EFTUD2: variants seen among roughly 807,000 people sequenced by gnomAD.
The protein encoded by EFTUD2 is 116 kDa U5 small nuclear ribonucleoprotein component.
EFTUD2 carries 9 observed loss-of-function variants against 114.3 expected under a neutral mutation model. That is an observed-to-expected ratio of 0.08 (90% CI 0.05 to 0.14). The LOEUF is 0.14. Ranked by LOEUF, EFTUD2 falls within the 10% of genes least tolerant of loss-of-function variation. The pLI is 1.00. For synonymous variants in EFTUD2, 449 were observed against 462.3 expected (o/e 0.97, Z 0.37); for missense variants, 765 against 1,241.2 (o/e 0.62, Z 5.76).
chr17:44,885,802 C>CT (rs375004615), intron 3 of EFTUD2, among the ~76,000 whole-genome samples: 9 of 152,078 alleles, frequency 5.9e-5, no homozygotes, highest in Non-Finnish European at 5.9e-5. Flanking sequence ...AATTTTTGTA[C>CT]TTTTTTTGTA....
intron 10 of EFTUD2, 89 bp from the exon 11 acceptor site, chr17:44,872,659 C>A: frequency 6.8e-7 from 1 of 1,460,188 alleles, no homozygotes. Context: ...GGTATCACAG[C>A]CACTCTCCAG....
At chr17:44,894,352 G>C (rs550408698) in intron 2 of EFTUD2, 65 bp downstream of exon 2, 7 of 1,357,866 alleles carry the variant, frequency 5.2e-6, no homozygotes, top group Admixed American at 3.4e-5. Context: ...CCTGGCAAGA[G>C]AGTGAGATCT....
In EFTUD2 at chr17:44,880,514, A is replaced by C. The variant is rs373238449; in HGVS notation, c.619+40T>G. ...AAGTGAGAGGACACACGCAAAACCA[A>C]GACAAGGTTCTAATAATCAAAAGCC... On this transcript the variant is annotated intron_variant, in intron 8 of 27. Transcript: ENST00000426333. 2.6e-6 allele frequency: 4 copies of C among 1,549,214 alleles called. No homozygotes were observed. In the African/African-American group the frequency reaches 5.4e-5, roughly 21 times the overall value.
Position 44,850,770 on chromosome 17 carries a change from C to T in EFTUD2, c.*504G>A, listed in dbSNP as rs1462570728. 1.3e-5 allele frequency: 3 copies of T among 223,828 alleles called. No individual in the cohort carries two copies. The highest frequency in any genetic ancestry group is 2.2e-5 in the African/African-American group (1 of 44,592). The allele number at this position is 223,828 out of a possible 1,614,324, so 13.9% of individuals were successfully genotyped here. ...TGGGAACACTGAATTAAAAGGCAGGCGGCTTCCCTGGGGACCCAGGCAGGA... is the reference window on the plus strand; with the variant it reads ...TGGGAACACTGAATTAAAAGGCAGGTGGCTTCCCTGGGGACCCAGGCAGGA... On this transcript the variant is annotated 3_prime_UTR_variant, in exon 28 of 28. Transcript: ENST00000426333.
Position 44,894,566 on chromosome 17 carries a change from A to G in EFTUD2, c.-4-41T>C, listed in dbSNP as rs1447827429. 2.0e-6 allele frequency: 3 copies of G among 1,499,802 alleles called. No individual in the cohort carries two copies. The Admixed American group carries it at 5.0e-5, about 25-fold the overall frequency. 92.9% of individuals were successfully genotyped at this position (1,499,802 alleles called of 1,614,324 possible). On this transcript the variant is annotated intron_variant, in intron 1 of 27. Transcript: ENST00000426333. ...AGAAGAGTTAGATTCTGACAAGGTA[A>G]TCAAGGCCTTCATGTGGTGGCTCCA... is the stretch of plus-strand genomic sequence containing the variant.
chr17:44,887,111 T>C (rs1422828313), intron 2 of EFTUD2, among the ~76,000 whole-genome samples: 2 of 152,180 alleles, frequency 1.3e-5, no homozygotes, highest in Non-Finnish European at 2.9e-5. Flanking sequence ...AGCCCATACC[T>C]TTAAAATTTT....
chr17:44,856,931 AACTC>A (rs2050567419), intron 20 of EFTUD2, 140 bp downstream of exon 20: 1 of 629,362 alleles, frequency 1.6e-6, no homozygotes, highest in Admixed American at 2.7e-5. Flanking sequence ...GCTGGAGTGA[AACTC>A]AAGTATTGTA....
chr17:44,854,448 T>G lies in EFTUD2; in HGVS notation c.2260-92A>C. On this transcript the variant is annotated intron_variant, in intron 22 of 27. Coordinates refer to ENST00000426333, the MANE Select transcript of EFTUD2 (RefSeq NM_004247.4). The surrounding 1 kb of genome is among the most constrained non-coding windows in gnomAD (Gnocchi z 4.3). ...GACAGATGTGCCTGTAAGGGGATACTGTCCTTCACCAGAGGACACAAGATA... is the reference window on the plus strand; with the variant it reads ...GACAGATGTGCCTGTAAGGGGATACGGTCCTTCACCAGAGGACACAAGATA... The G allele has an allele frequency of 2.5e-6, 4 of 1,580,048 alleles. No homozygotes were observed. Among genetic ancestry groups the G allele is most frequent in the Non-Finnish European group, 3.5e-6 (4 of 1,158,876 alleles).
At position 44,854,411 on chromosome 17, in the gene EFTUD2, T is replaced by G; in HGVS notation, c.2260-55A>C. On this transcript the variant is annotated intron_variant, in intron 22 of 27. Transcript: ENST00000426333. The surrounding 1 kb of genome is among the most constrained non-coding windows in gnomAD (Gnocchi z 4.3). ...GTCGCCCTGGCAACGGCTGAAGCAT[T>G]TAGAGGGAGAAGACAGATGTGCCTG... is the stretch of plus-strand genomic sequence containing the variant. The G allele has an allele frequency of 6.3e-7, 1 of 1,594,046 alleles. No individual in the cohort carries two copies. Among genetic ancestry groups the G allele is most frequent in the Non-Finnish European group, 8.6e-7 (1 of 1,167,612 alleles).
chr17:44,881,768 T>C (rs772876043), intron 6 of EFTUD2, 46 bp from the exon 7 acceptor site: 13 of 1,586,732 alleles, frequency 8.2e-6, no homozygotes, highest in Non-Finnish European at 1.1e-5. Context: ...GAGACTGCTC[T>C]CCCACAAACG....
Position 44,889,245 on chromosome 17 carries a change from A to G in EFTUD2, c.106-2495T>C, listed in dbSNP as rs139173803. On this transcript the variant is annotated intron_variant, in intron 2 of 27. Coordinates refer to ENST00000426333, the MANE Select transcript of EFTUD2 (RefSeq NM_004247.4). ...GGCAGAGGTCAGTGGTGACCTTGACAAGAGCAGTCTGTGGAATGCGAGAGG... is the reference window on the plus strand; with the variant it reads ...GGCAGAGGTCAGTGGTGACCTTGACGAGAGCAGTCTGTGGAATGCGAGAGG... Among the ~76,000 whole-genome samples the G allele has an allele frequency of 5.6e-3, 852 of 152,320 alleles. 6 individuals are homozygous for G. The highest frequency in any genetic ancestry group is 9.9e-3 in the Non-Finnish European group (674 of 68,028).
At chr17:44,867,241 T>C (rs184381966) in intron 13 of EFTUD2, among the ~76,000 whole-genome samples, 2 of 152,258 alleles carry the variant, frequency 1.3e-5, no homozygotes, top group Admixed American at 6.5e-5. Context: ...TCAAGATCTG[T>C]TCATAAACCT....
chr17:44,897,190 TG>T (rs1225367532), intron 1 of EFTUD2, among the ~76,000 whole-genome samples: 1 of 123,632 alleles, frequency 8.1e-6, no homozygotes, highest in Non-Finnish European at 1.6e-5. Flanking sequence ...CACTCCAGCC[TG>T]GGTGACAGAG....
At chr17:44,893,118 T>C (rs985039495) in intron 2 of EFTUD2, among the ~76,000 whole-genome samples, 5 of 148,786 alleles carry the variant, frequency 3.4e-5, no homozygotes, top group African/African-American at 1.2e-4. Flanking sequence ...TACTCAACAG[T>C]CATTTTTTTT....
intron 9 of EFTUD2, among the ~76,000 whole-genome samples, chr17:44,878,049 T>G (rs564533112): frequency 6.6e-6 from 1 of 151,772 alleles, no homozygotes; most frequent in Non-Finnish European, 1.5e-5. Flanking sequence ...GACAGGAGAA[T>G]TGCTTGAACC....
In EFTUD2 at chr17:44,862,719, A is replaced by G. The variant is rs1390391046; in HGVS notation, c.1601T>C (p.Val534Ala). Reference sequence around the variant, plus strand: ...GGGCTCTGGTTGGCAGTACCTGGCCACAGAGATCCAAAGGCGGCCCACGGT... The same window carrying G: ...GGGCTCTGGTTGGCAGTACCTGGCCGCAGAGATCCAAAGGCGGCCCACGGT... ...ICTVGRLWIS[V>A]ARYHIEVNRV... Residue 534 changes from valine (V) to alanine (A), a missense_variant, in exon 16 of 28, where the codon GTG (valine) becomes GCG (alanine). Val to Ala is a moderately conservative substitution (Grantham distance 64). This residue lies in a region of EFTUD2 where 149 missense variants were observed against 245.1 expected (regional missense o/e 0.61). Transcript: ENST00000426333. The G allele has an allele frequency of 6.2e-7, 1 of 1,612,956 alleles. No homozygotes were observed. Among genetic ancestry groups the G allele is most frequent in the Non-Finnish European group, 8.5e-7 (1 of 1,179,270 alleles).
intron 14 of EFTUD2, 163 bp from the exon 15 acceptor site, chr17:44,863,945 T>C (rs916096105): frequency 8.8e-6 from 8 of 903,994 alleles, no homozygotes; most frequent in Non-Finnish European, 1.1e-5. Context: ...TTCCTGGGAA[T>C]GTGCTGCTAG....
intron 11 of EFTUD2, among the ~76,000 whole-genome samples, chr17:44,872,059 T>C (rs2050864876): frequency 6.6e-6 from 1 of 152,118 alleles, no homozygotes; most frequent in African/African-American, 2.4e-5. Flanking sequence ...ATTAGACCCA[T>C]GAAATTGATG....
rs1168308743 is a variant in EFTUD2, at chr17:44,885,197, C to T, written c.350+59G>A. ...TTCAGCCAAAAGCCACCTCTTATCT[C>T]TACAAAAACATGAACCCACAGCATT... On this transcript the variant is annotated intron_variant, in intron 4 of 27. Transcript: ENST00000426333. 3 of 1,433,616 alleles carry T rather than the reference C, an allele frequency of 2.1e-6. 1 individual carries two copies. The highest frequency in any genetic ancestry group is 2.8e-5 in the African/African-American group (2 of 70,928). 88.8% of individuals were successfully genotyped at this position (1,433,616 alleles called of 1,614,324 possible).
Sources: gnomAD v4.1 joint callset for allele counts (sites outside exome capture counted in the v4.1 genomes callset) on GRCh38, gnomAD v4.1.1 for gene constraint, gnomAD v4.1.1 regional missense constraint, Gnocchi (gnomAD v3.1) non-coding constraint, MANE v1.5 for transcripts, NCBI Gene and HGNC (gene_info 2026-07-23, HGNC 2026-07-21) for gene names.